The following FGD1 variants were observed in gnomAD, a reference collection of about 807,000 sequenced individuals.
The protein encoded by FGD1 is FYVE, RhoGEF and PH domain containing 1, also known as FYVE, RhoGEF and PH domain-containing protein 1.
A neutral mutation model predicts 65.0 loss-of-function variants in FGD1; 12 were observed. The ratio of observed to expected loss-of-function variants is 0.18; its 90% CI spans 0.12 to 0.30. The LOEUF is 0.30. FGD1 is among the 10% of genes least tolerant of loss of function. The pLI, the probability that FGD1 is intolerant of heterozygous loss-of-function variation, is 1.00. For synonymous variants in FGD1, 333 were observed against 343.9 expected, an observed-to-expected ratio of 0.97 and a Z score of 0.35; for missense variants, 542 against 837.6, an observed-to-expected ratio of 0.65 and a Z score of 4.36.
In FGD1 at chrX:54,448,891, T is replaced by A; in HGVS notation, c.2351A>T (p.Asp784Val). ...DNNRSNRVCT[D>V]CYVALHGVPG... The stretch of plus-strand genomic sequence containing the variant: ...CACCCCGTGCAAGGCCACATAGCAA[T>A]CAGTGCACACACGGTTGGAGCGGTT... Residue 784 changes from aspartate (D) to valine (V), a missense_variant, in exon 16 of 18, where the codon GAT (aspartate) becomes GTT (valine). This residue lies in a region of FGD1 where 182 missense variants were observed against 311.4 expected (regional missense o/e 0.58). Coordinates refer to ENST00000375135, the MANE Select transcript of FGD1 (RefSeq NM_004463.3). 2 of 1,211,627 alleles carry A rather than the reference T, an allele frequency of 1.7e-6. No homozygotes were observed. The highest frequency in any genetic ancestry group is 2.2e-6 in the Non-Finnish European group (2 of 895,375).
At position 54,448,863 on chromosome X, in the gene FGD1, A is replaced by C. The variant is rs768912998; in HGVS notation, c.2379T>G (p.Pro793=). Residue 793 remains proline, a synonymous_variant, in exon 16 of 18, where the codon CCT becomes CCG. Coordinates refer to ENST00000375135, the MANE Select transcript of FGD1 (RefSeq NM_004463.3). ...GCTGGCTGCAGGCTGGACTGCTCCCAGGCACCCCGTGCAAGGCCACATAGC... is the reference window on the plus strand; with the variant it reads ...GCTGGCTGCAGGCTGGACTGCTCCCCGGCACCCCGTGCAAGGCCACATAGC... ...TDCYVALHGV[P]GSSPACSQHT... 1 of 1,210,037 alleles carries C rather than the reference A, an allele frequency of 8.3e-7. No individual in the cohort carries two copies. Among genetic ancestry groups the C allele is most frequent in the Non-Finnish European group, 1.1e-6 (1 of 895,085 alleles).
chrX:54,483,490 C>T (rs964091701), intron 1 of FGD1, among the ~76,000 whole-genome samples: 61 of 112,745 alleles, frequency 5.4e-4, no homozygotes, highest in Non-Finnish European at 1.0e-3. Flanking sequence ...CCGCCTTTCC[C>T]GCTTTCCACA....
intron 16 of FGD1, among the ~76,000 whole-genome samples, chrX:54,448,565 T>G (rs1922298306): frequency 8.9e-6 from 1 of 112,455 alleles, no homozygotes; most frequent in Non-Finnish European, 1.9e-5. Flanking sequence ...TGGGCCTCAG[T>G]TTCCTCGTTT....
chrX:54,469,516 C>A (rs974323857), intron 4 of FGD1, among the ~76,000 whole-genome samples: 2 of 112,276 alleles, frequency 1.8e-5, no homozygotes, highest in Non-Finnish European at 3.8e-5. Flanking sequence ...AGTATAAGAA[C>A]GTATAAAACT....
intron 1 of FGD1, among the ~76,000 whole-genome samples, chrX:54,475,029 G>A (rs1922987512): frequency 1.8e-5 from 2 of 111,832 alleles, no homozygotes; most frequent in African/African-American, 6.5e-5. Flanking sequence ...GCTGGTCCTC[G>A]GGATGGAGTG....
intron 1 of FGD1, among the ~76,000 whole-genome samples, chrX:54,479,866 C>T (rs1425178894): frequency 1.8e-5 from 2 of 111,408 alleles, no homozygotes; most frequent in Non-Finnish European, 3.8e-5. Flanking sequence ...TGCCCCACTC[C>T]GCCTTCAAGG....
At position 54,455,532 on chromosome X, in the gene FGD1, A is replaced by G; in HGVS notation, c.1936-5T>C. ...GAGGTTGGAGCTCTCCTTTAGCTGA[A>G]TGGAGGCAGAAAGGGGCATGGTGAG... On this transcript the variant is annotated splice_polypyrimidine_tract_variant and splice_region_variant and intron_variant, in intron 11 of 17. Coordinates refer to ENST00000375135, the MANE Select transcript of FGD1 (RefSeq NM_004463.3). 1 of 1,202,639 alleles carries G rather than the reference A, an allele frequency of 8.3e-7. No individual in the cohort carries two copies.
At chrX:54,461,600 CAAAA>C (rs1165040158) in intron 8 of FGD1, among the ~76,000 whole-genome samples, 1 of 18,047 alleles carries the variant, frequency 5.5e-5, no homozygotes, top group Non-Finnish European at 1.4e-4. Context: ...GACTCTGTCT[CAAAA>C]AAAAAAAAAA....
intron 1 of FGD1, among the ~76,000 whole-genome samples, chrX:54,483,257 G>A (rs919981372): frequency 1.4e-4 from 16 of 111,440 alleles, no homozygotes; most frequent in African/African-American, 3.6e-4. Context: ...TCCCACACCC[G>A]CGCGGTGGGG....
intron 12 of FGD1, among the ~76,000 whole-genome samples, chrX:54,454,486 C>T (rs1000325464): frequency 9.1e-6 from 1 of 110,085 alleles, no homozygotes; most frequent in Non-Finnish European, 1.9e-5. Flanking sequence ...CCTGTCTCTA[C>T]TAAAAATACA....
At chrX:54,494,408 T>C (rs940333974) in intron 1 of FGD1, among the ~76,000 whole-genome samples, 1 of 96,781 alleles carries the variant, frequency 1.0e-5, no homozygotes, top group South Asian at 5.0e-4. Context: ...CTTTCTTTTT[T>C]TTTTTTTTTT....
intron 8 of FGD1, among the ~76,000 whole-genome samples, chrX:54,463,783 C>CA (rs773159514): frequency 1.1e-3 from 119 of 111,452 alleles, no homozygotes; most frequent in Non-Finnish European, 1.9e-3. Context: ...CTGCCTGGAA[C>CA]ATGCTCAACC....
intron 8 of FGD1, among the ~76,000 whole-genome samples, chrX:54,460,206 G>A (rs1922596928): frequency 9.0e-6 from 1 of 111,096 alleles, no homozygotes; most frequent in Admixed American, 9.5e-5. Flanking sequence ...ACTTTGAGAG[G>A]CCAAGGTGGG....
intron 10 of FGD1, 44 bp downstream of exon 10, chrX:54,456,176 T>TG (rs1478217364): frequency 1.7e-5 from 20 of 1,187,376 alleles, no homozygotes; most frequent in Non-Finnish European, 2.3e-5. Context: ...GTGTGTGTGT[T>TG]GGGAGGGGCA....
intron 8 of FGD1, among the ~76,000 whole-genome samples, chrX:54,457,516 A>C (rs1365763483): frequency 8.9e-6 from 1 of 112,170 alleles, no homozygotes; most frequent in Non-Finnish European, 1.9e-5. Flanking sequence ...GGTTCAGTTA[A>C]ATACATTATG....
At chrX:54,460,477 G>A (rs182255144) in intron 8 of FGD1, among the ~76,000 whole-genome samples, 143 of 104,728 alleles carry the variant, frequency 1.4e-3, no homozygotes, top group Non-Finnish European at 2.3e-3. Flanking sequence ...GTGCGGTGGC[G>A]CACGCCTGTA....
chrX:54,459,584 T>C (rs1922581294), intron 8 of FGD1, among the ~76,000 whole-genome samples: 1 of 110,850 alleles, frequency 9.0e-6, no homozygotes, highest in South Asian at 3.8e-4. Flanking sequence ...AGACATATGA[T>C]TCAGTGAGGC....
Position 54,471,295 on chromosome X carries a change from C to T in FGD1, c.481+19G>A. 1 of 1,209,444 alleles carries T rather than the reference C, an allele frequency of 8.3e-7. No homozygotes were observed. Among genetic ancestry groups the T allele is most frequent in the Non-Finnish European group, 1.1e-6 (1 of 894,526 alleles). ...CCCTCCCCTGGGCCACTTCTCTGCT[C>T]TTTTCCAGGACCACTTACCCTGTGG... is the stretch of plus-strand genomic sequence containing the variant. On this transcript the variant is annotated intron_variant, in intron 2 of 17. Coordinates refer to ENST00000375135, the MANE Select transcript of FGD1 (RefSeq NM_004463.3).
intron 1 of FGD1, among the ~76,000 whole-genome samples, chrX:54,477,235 C>T (rs897649722): frequency 7.1e-5 from 8 of 112,060 alleles, no homozygotes; most frequent in Non-Finnish European, 5.6e-5. Flanking sequence ...CCTTCCTGCC[C>T]CACTCTCAAA....
Sources: allele counts gnomAD v4.1 joint callset (sites outside exome capture counted in the v4.1 genomes callset), GRCh38; gene constraint gnomAD v4.1.1; regional missense constraint gnomAD v4.1.1; transcripts MANE v1.5; gene names NCBI Gene and HGNC (gene_info 2026-07-23, HGNC 2026-07-21).